The following COL4A4 variants were observed in gnomAD, a reference collection of about 807,000 sequenced individuals.
COL4A4 encodes collagen alpha-4(IV) chain.
Under a neutral mutation model 192.9 loss-of-function variants are expected in COL4A4, and 105 were observed. The observed-to-expected ratio is 0.54, with a 90% CI of 0.46 to 0.64. The LOEUF is 0.64. Among genes scored for constraint, COL4A4 ranks in the 30% least tolerant of loss-of-function variants. COL4A4 has a pLI of 0.00. For synonymous variants in COL4A4, 762 were observed against 769.9 expected, an observed-to-expected ratio of 0.99 and a Z score of 0.17; for missense variants, 1,967 against 2,169.3, an observed-to-expected ratio of 0.91 and a Z score of 1.85.
the COL4A4 span, among the ~76,000 whole-genome samples, chr2:226,990,614 T>C: frequency 6.6e-6 from 1 of 152,170 alleles, no homozygotes; most frequent in Non-Finnish European, 1.5e-5. Flanking sequence ...GCAATTCTTA[T>C]CTGGACAAAA....
chr2:227,026,268 CG>C lies in COL4A4; in HGVS notation c.4082-459del, dbSNP rs1201275450. 9.2e-5 allele frequency among the ~76,000 whole-genome samples: 14 copies of C among 152,088 alleles called. No individual in the cohort carries two copies. In the South Asian group the frequency reaches 2.9e-3, roughly 32 times the overall value. On this transcript the variant is annotated intron_variant, in intron 42 of 47. Coordinates refer to ENST00000396625, the MANE Select transcript of COL4A4 (RefSeq NM_000092.5). Reference sequence around the variant, plus strand: ...ATCCCAGCACTTTGGGAGGCCAAGGCGGGTGGATCACGAGGTCAGGAGATCG... The same window carrying C: ...ATCCCAGCACTTTGGGAGGCCAAGGCGGTGGATCACGAGGTCAGGAGATCG...
At chr2:227,115,614 A>G (rs1345563388) in intron 7 of COL4A4, among the ~76,000 whole-genome samples, 1 of 152,156 alleles carries the variant, frequency 6.6e-6, no homozygotes, top group African/African-American at 2.4e-5. Context: ...TTACCACATA[A>G]AAATCCTACC....
intron 1 of COL4A4, among the ~76,000 whole-genome samples, chr2:227,152,606 G>A (rs1308952757): frequency 6.6e-6 from 1 of 152,214 alleles, no homozygotes; most frequent in Non-Finnish European, 1.5e-5. Context: ...CCATCTTGCT[G>A]TTGGCCTGAC....
the COL4A4 span, among the ~76,000 whole-genome samples, chr2:226,990,224 T>G: frequency 1.3e-5 from 2 of 152,308 alleles, no homozygotes; most frequent in Non-Finnish European, 1.5e-5. Context: ...TCTTTGACGG[T>G]AAATGACTTA....
At position 227,045,839 on chromosome 2, in the gene COL4A4, TATATATATAC is replaced by T. The variant is rs1559487858; in HGVS notation, c.3289+1626_3289+1635del. ...ATACACATATATATATATACACACA[TATATATATAC>T]ACATATATATATACACATATATATA... On this transcript the variant is annotated intron_variant, in intron 35 of 47. Coordinates refer to ENST00000396625, the MANE Select transcript of COL4A4 (RefSeq NM_000092.5). 5.6e-3 allele frequency among the ~76,000 whole-genome samples: 190 copies of T among 34,228 alleles called. 48 individuals carry two copies. The highest frequency in any genetic ancestry group is 0.027 in the African/African-American group (178 of 6,498). The allele number at this position is 34,228 out of a possible 152,430, so 22.5% of individuals were successfully genotyped here.
chr2:227,159,526 C>G (rs1353358930), intron 1 of COL4A4, among the ~76,000 whole-genome samples: 1 of 152,222 alleles, frequency 6.6e-6, no homozygotes, highest in Non-Finnish European at 1.5e-5. Flanking sequence ...TATGGTTTGA[C>G]TTTGTGTCCC....
intron 45 of COL4A4, 56 bp downstream of exon 45, chr2:227,012,125 G>A: frequency 1.4e-6 from 2 of 1,383,396 alleles, no homozygotes; most frequent in African/African-American, 1.4e-5. Flanking sequence ...CAGAGATTTT[G>A]TATACAACTC....
At position 227,042,161 on chromosome 2, in the gene COL4A4, A is replaced by G. The variant is rs771880741; in HGVS notation, c.3492T>C (p.Pro1164=). 1 of 1,604,972 alleles carries G rather than the reference A, an allele frequency of 6.2e-7. No individual in the cohort carries two copies. Among genetic ancestry groups the G allele is most frequent in the African/African-American group, 1.3e-5 (1 of 74,692 alleles). The change falls in exon 37 of 48, where the codon CCT becomes CCC. Residue 1164 remains proline, a synonymous_variant. Coordinates refer to ENST00000396625, the MANE Select transcript of COL4A4 (RefSeq NM_000092.5). ...GLQGDPGIPG[P]PGIKGPSGSP... ...ATTTTGACTTACCTTTTATTCCCGG[A>G]GGACCTGGTATCCCTGGATCCCCCT... is the stretch of plus-strand genomic sequence containing the variant.
At position 227,004,758 on chromosome 2, in the gene COL4A4, A is replaced by C. The variant is rs925148705; in HGVS notation, c.*2567T>G. On this transcript the variant is annotated 3_prime_UTR_variant, in exon 48 of 48. Coordinates refer to ENST00000396625, the MANE Select transcript of COL4A4 (RefSeq NM_000092.5). ...GATGAATGGGCTCCACTCACTGAGA[A>C]TCAGAACCCAGAAGGAAGCATCCCA... The C allele has an allele frequency of 3.9e-5, 6 of 152,444 alleles. No individual in the cohort carries two copies. The highest frequency in any genetic ancestry group is 1.4e-4 in the African/African-American group (6 of 41,564). 9.4% of individuals were successfully genotyped at this position (152,444 alleles called of 1,614,324 possible). A position where few individuals can be genotyped will look rare whatever the true frequency, so the allele number is the denominator to read the frequency against.
downstream of COL4A4, chr2:226,998,828 A>G (rs966126225): frequency 1.3e-5 from 2 of 152,190 alleles, no homozygotes; most frequent in Non-Finnish European, 2.9e-5. Context: ...GTGGGCTTCA[A>G]CCAGCCTTTG....
chr2:226,990,809 C>G, the COL4A4 span, among the ~76,000 whole-genome samples: 1 of 152,198 alleles, frequency 6.6e-6, no homozygotes, highest in South Asian at 2.1e-4. Flanking sequence ...AGCATGCTCA[C>G]TGCTTCTTTG....
chr2:227,098,637 G>A (rs370481216), intron 19 of COL4A4, 57 bp downstream of exon 19: 1 of 1,306,352 alleles, frequency 7.7e-7, no homozygotes. Context: ...TACTGGTGCT[G>A]ATGATGATGC....
chr2:227,094,212 G>A lies in COL4A4; in HGVS notation c.1282C>T (p.Pro428Ser). The change falls in exon 20 of 48, where the codon CCT becomes TCT. Residue 428 changes from proline to serine, a missense_variant. Coordinates refer to ENST00000396625, the MANE Select transcript of COL4A4 (RefSeq NM_000092.5). Reference protein sequence around the residue: ...LPGEAGIPGRPDSAPGKPGKP... With the variant: ...LPGEAGIPGRSDSAPGKPGKP... ...CCTGGTTTTCCTGGAGCAGAATCAG[G>A]TCTCCCAGGAATACCAGCTTCTCCT... 1 of 1,613,734 alleles carries A rather than the reference G, an allele frequency of 6.2e-7. No individual in the cohort carries two copies. The highest frequency in any genetic ancestry group is 8.5e-7 in the Non-Finnish European group (1 of 1,179,890).
intron 3 of COL4A4, among the ~76,000 whole-genome samples, chr2:227,142,864 T>G (rs950284091): frequency 1.4e-4 from 22 of 152,162 alleles, no homozygotes; most frequent in African/African-American, 5.3e-4. Context: ...TTTTAAAAAT[T>G]CAAATGGTGC....
chr2:227,129,626 C>CT (rs1374706430), intron 4 of COL4A4, among the ~76,000 whole-genome samples: 1 of 152,080 alleles, frequency 6.6e-6, no homozygotes, highest in East Asian at 1.9e-4. Flanking sequence ...CCAGGCTGGT[C>CT]TCGAACTCCC....
chr2:227,081,287 A>C (rs1373052969), intron 23 of COL4A4, among the ~76,000 whole-genome samples: 1 of 152,228 alleles, frequency 6.6e-6, no homozygotes, highest in Non-Finnish European at 1.5e-5. Flanking sequence ...AGCTGCCAGC[A>C]CAGCTGGAAC....
chr2:227,052,371 T>C lies in COL4A4; in HGVS notation c.2902A>G (p.Ile968Val), dbSNP rs766076896. Reference sequence around the variant, plus strand: ...TCCCCAGGTGTTCCCTTTTGTGAAATGATAGCCATTTCTCCTTCATCTCCG... The same window carrying C: ...TCCCCAGGTGTTCCCTTTTGTGAAACGATAGCCATTTCTCCTTCATCTCCG... ...PPGDEGEMAI[I>V]SQKGTPGEPG... The change falls in exon 32 of 48, where the codon ATT (isoleucine) becomes GTT (valine). Residue 968 changes from isoleucine to valine, a missense_variant. By Grantham distance (29) the Ile-to-Val change is conservative. Transcript: ENST00000396625. 6.2e-6 allele frequency: 10 copies of C among 1,613,414 alleles called. No homozygotes were observed. Among genetic ancestry groups the C allele is most frequent in the African/African-American group, 1.3e-5 (1 of 74,920 alleles).
At chr2:227,126,399 C>T (rs1024108960) in intron 4 of COL4A4, among the ~76,000 whole-genome samples, 6 of 152,126 alleles carry the variant, frequency 3.9e-5, no homozygotes, top group African/African-American at 1.4e-4. Flanking sequence ...GCAATGATTC[C>T]ACAGCAAACT....
chr2:227,158,559 C>T (rs1303570572), intron 1 of COL4A4, among the ~76,000 whole-genome samples: 1 of 151,996 alleles, frequency 6.6e-6, no homozygotes, highest in Non-Finnish European at 1.5e-5. Context: ...GGAGAAAATA[C>T]TCACAATACT....
Sources: gnomAD v4.1 joint callset for allele counts (sites outside exome capture counted in the v4.1 genomes callset) on GRCh38, gnomAD v4.1.1 for gene constraint, MANE v1.5 for transcripts, NCBI Gene and HGNC (gene_info 2026-07-23, HGNC 2026-07-21) for gene names.